Variants in SLCO5A1 observed in about 807,000 individuals in gnomAD.
SLCO5A1 encodes solute carrier organic anion transporter family member 5A1.
A neutral mutation model predicts 65.1 loss-of-function variants in SLCO5A1; 39 were observed. The ratio of observed to expected loss-of-function variants is 0.60; its 90% CI spans 0.46 to 0.78. The LOEUF is 0.78. Among genes scored for constraint, SLCO5A1 ranks in the 30% least tolerant of loss-of-function variants. SLCO5A1 has a pLI of 0.00. For synonymous variants in SLCO5A1, 438 were observed against 415.7 expected, an observed-to-expected ratio of 1.05 and a Z score of -0.65; for missense variants, 1,029 against 1,069.4, an observed-to-expected ratio of 0.96 and a Z score of 0.53.
intron 2 of SLCO5A1, among the ~76,000 whole-genome samples, chr8:69,813,433 G>T (rs1820288517): frequency 6.6e-6 from 1 of 152,150 alleles, no homozygotes; most frequent in Non-Finnish European, 1.5e-5. Flanking sequence ...GGGGTAACCT[G>T]CCCCTGTCTT....
chr8:69,693,496 T>C (rs1488552646), intron 6 of SLCO5A1, among the ~76,000 whole-genome samples: 2 of 152,210 alleles, frequency 1.3e-5, no homozygotes, highest in Non-Finnish European at 2.9e-5. Context: ...CTGGCTTATA[T>C]AGCATGCTTT....
rs1279679007 is a variant in SLCO5A1 at position 69,726,513 on chromosome 8, T to TGG, written c.1423+11526_1423+11527insCC. On this transcript the variant is annotated intron_variant, in intron 5 of 9. Transcript: ENST00000260126. ...CCTACCTCCTTTTTTTTTTTTTTTT[T>TGG]TGGGGGGACAGAGTCTCACTCTGTT... 2.8e-3 allele frequency among the ~76,000 whole-genome samples: 403 copies of TGG among 143,180 alleles called. 2 individuals are homozygous for TGG. Among genetic ancestry groups the TGG allele is most frequent in the African/African-American group, 0.01 (365 of 36,016 alleles). The allele number at this position is 143,180 out of a possible 152,430, so 93.9% of individuals were successfully genotyped here.
chr8:69,717,704 A>C (rs1177525792), intron 5 of SLCO5A1, among the ~76,000 whole-genome samples: 1 of 152,218 alleles, frequency 6.6e-6, no homozygotes, highest in East Asian at 1.9e-4. Context: ...TGACATCCTA[A>C]TAATATTAAG....
At chr8:69,780,179 G>A (rs1181307872) in intron 2 of SLCO5A1, among the ~76,000 whole-genome samples, 2 of 152,152 alleles carry the variant, frequency 1.3e-5, no homozygotes, top group Non-Finnish European at 2.9e-5. Flanking sequence ...ACAGAGAAAA[G>A]GGAACTCTTA....
At chr8:69,745,071 A>T (rs1816962071) in intron 4 of SLCO5A1, among the ~76,000 whole-genome samples, 1 of 152,202 alleles carries the variant, frequency 6.6e-6, no homozygotes, top group Non-Finnish European at 1.5e-5. Context: ...TTTCTGAGTG[A>T]TTGCCTCTTT....
chr8:69,795,800 C>A (rs141653320), intron 2 of SLCO5A1, among the ~76,000 whole-genome samples: 347 of 152,338 alleles, frequency 2.3e-3, no homozygotes, highest in African/African-American at 7.6e-3. Flanking sequence ...AGGGCTCCGA[C>A]CCTGCAGCAG....
chr8:69,820,939 G>A (rs1462999626), intron 2 of SLCO5A1, among the ~76,000 whole-genome samples: 3 of 152,048 alleles, frequency 2.0e-5, no homozygotes, highest in African/African-American at 7.2e-5. Context: ...AGAAGCCAAG[G>A]GGTTTGTCTG....
At chr8:69,804,062 C>G (rs1034806642) in intron 2 of SLCO5A1, among the ~76,000 whole-genome samples, 1 of 152,206 alleles carries the variant, frequency 6.6e-6, no homozygotes, top group East Asian at 1.9e-4. Flanking sequence ...AATAAGAATT[C>G]TAACTATAGG....
intron 2 of SLCO5A1, among the ~76,000 whole-genome samples, chr8:69,793,007 C>T (rs760318884): frequency 1.3e-5 from 2 of 151,810 alleles, no homozygotes; most frequent in African/African-American, 2.4e-5. Context: ...GAGACGGAAT[C>T]TCACTCTCTG....
intron 2 of SLCO5A1, among the ~76,000 whole-genome samples, chr8:69,792,240 G>A (rs1563727104): frequency 2.0e-5 from 3 of 151,698 alleles, no homozygotes; most frequent in African/African-American, 2.4e-5. Flanking sequence ...CAGTGCTATC[G>A]CAATTCACAA....
At chr8:69,775,537 C>T (rs143670162) in intron 2 of SLCO5A1, among the ~76,000 whole-genome samples, 9 of 152,106 alleles carry the variant, frequency 5.9e-5, no homozygotes, top group East Asian at 1.9e-4. Flanking sequence ...GGAAGGAGTA[C>T]GGGGTGTTAT....
intron 5 of SLCO5A1, among the ~76,000 whole-genome samples, chr8:69,726,974 A>T (rs1438144122): frequency 1.3e-5 from 2 of 152,188 alleles, no homozygotes; most frequent in African/African-American, 2.4e-5. Context: ...TACATTTATT[A>T]CTAATAGCTA....
At chr8:69,766,188 G>T (rs568154365) in intron 2 of SLCO5A1, among the ~76,000 whole-genome samples, 1 of 152,200 alleles carries the variant, frequency 6.6e-6, no homozygotes, top group South Asian at 2.1e-4. Context: ...CCTTCCAGCT[G>T]GTCTCCTGGC....
intron 2 of SLCO5A1, among the ~76,000 whole-genome samples, chr8:69,784,950 G>GA (rs1406393405): frequency 2.5e-5 from 3 of 121,100 alleles, no homozygotes; most frequent in South Asian, 5.2e-4. Flanking sequence ...AAGAAAGAAA[G>GA]AAGAAAGGAA....
chr8:69,762,629 A>AT (rs941042711), intron 2 of SLCO5A1, among the ~76,000 whole-genome samples: 16 of 152,162 alleles, frequency 1.1e-4, no homozygotes, highest in African/African-American at 3.9e-4. Flanking sequence ...GGAAAAAAAA[A>AT]GGAAAAAGTA....
chr8:69,682,825 C>T (rs566718803), intron 6 of SLCO5A1, among the ~76,000 whole-genome samples: 4 of 152,288 alleles, frequency 2.6e-5, no homozygotes, highest in South Asian at 2.1e-4. Flanking sequence ...TACGTTCCTT[C>T]GACCAAAAAC....
At chr8:69,771,441 G>A (rs1256325845) in intron 2 of SLCO5A1, among the ~76,000 whole-genome samples, 1 of 151,910 alleles carries the variant, frequency 6.6e-6, no homozygotes, top group African/African-American at 2.4e-5. Context: ...GTTTGTATTA[G>A]GCTAAATTTA....
intron 4 of SLCO5A1, among the ~76,000 whole-genome samples, chr8:69,740,692 G>C (rs1452647491): frequency 6.6e-6 from 1 of 152,132 alleles, no homozygotes. Context: ...CTTTACAACT[G>C]GAGCAGAGAT....
chr8:69,756,259 G>T (rs1451010795), intron 3 of SLCO5A1, among the ~76,000 whole-genome samples: 2 of 152,102 alleles, frequency 1.3e-5, no homozygotes, highest in African/African-American at 4.8e-5. Context: ...ACAAAAATTA[G>T]CCAGGTGTGG....
Sources: allele counts gnomAD v4.1 joint callset (sites outside exome capture counted in the v4.1 genomes callset), GRCh38; gene constraint gnomAD v4.1.1; transcripts MANE v1.5; gene names NCBI Gene and HGNC (gene_info 2026-07-23, HGNC 2026-07-21).